PREX1: variants seen among roughly 807,000 people sequenced by gnomAD.
PREX1 encodes the protein phosphatidylinositol 3,4,5-trisphosphate-dependent Rac exchanger 1 protein.
PREX1 carries 41 observed loss-of-function variants against 198.3 expected under a neutral mutation model. The ratio of observed to expected loss-of-function variants is 0.21; its 90% CI spans 0.16 to 0.27. PREX1 has a LOEUF of 0.27. Among genes scored for constraint, PREX1 ranks in the 10% least tolerant of loss-of-function variants. The probability of loss-of-function intolerance (pLI) is 1.00; values close to 1 mark genes in which losing one functional copy is unlikely to be tolerated. For missense variants in PREX1, 1,620 were observed against 2,200.7 expected (o/e 0.74, Z 5.28); for synonymous variants, 843 against 887.2 (o/e 0.95, Z 0.89).
chr20:48,696,732 G>A (rs192302773), intron 7 of PREX1, among the ~76,000 whole-genome samples: 5 of 152,184 alleles, frequency 3.3e-5, no homozygotes, highest in Non-Finnish European at 4.4e-5. Context: ...ATGACAGGAT[G>A]GAAAGGACTT....
chr20:48,677,008 G>T (rs539198341), intron 13 of PREX1, among the ~76,000 whole-genome samples: 1 of 152,150 alleles, frequency 6.6e-6, no homozygotes, highest in Non-Finnish European at 1.5e-5. Context: ...CCTTGCAGCC[G>T]AACTGCAACA....
chr20:48,825,561 C>T (rs1005341059), intron 1 of PREX1, among the ~76,000 whole-genome samples: 1 of 152,068 alleles, frequency 6.6e-6, no homozygotes, highest in African/African-American at 2.4e-5. Flanking sequence ...ATTCCAGCTT[C>T]CTCCTACTCT....
intron 25 of PREX1, 67 bp from the exon 26 acceptor site, chr20:48,646,124 C>T (rs2089449409): frequency 6.6e-7 from 1 of 1,519,426 alleles, no homozygotes; most frequent in African/African-American, 1.4e-5. Context: ...CCCTGAAAAT[C>T]CCACCAGCAG....
At chr20:48,708,007 A>T (rs892165464) in intron 6 of PREX1, among the ~76,000 whole-genome samples, 3 of 152,180 alleles carry the variant, frequency 2.0e-5, no homozygotes, top group Non-Finnish European at 4.4e-5. Context: ...TGGGGACTGA[A>T]GGAAACTAGA....
intron 1 of PREX1, among the ~76,000 whole-genome samples, chr20:48,773,663 A>G (rs1001127762): frequency 2.0e-5 from 3 of 152,200 alleles, no homozygotes; most frequent in African/African-American, 7.2e-5. Flanking sequence ...AACAGCAAGG[A>G]AAGCTGAGAG....
chr20:48,829,259 C>T (rs190042416), upstream of PREX1, among the ~76,000 whole-genome samples: 98 of 152,350 alleles, frequency 6.4e-4, 1 homozygote, highest in Middle Eastern at 6.8e-3. Flanking sequence ...CCATACAATC[C>T]CTAATCACCC....
intron 10 of PREX1, among the ~76,000 whole-genome samples, chr20:48,682,617 G>A (rs2123023956): frequency 6.6e-6 from 1 of 152,336 alleles, no homozygotes; most frequent in East Asian, 1.9e-4. Context: ...AGGTCTCGGG[G>A]AGACAGAAGT....
At chr20:48,785,429 G>A (rs1601134764) in intron 1 of PREX1, among the ~76,000 whole-genome samples, 1 of 152,318 alleles carries the variant, frequency 6.6e-6, no homozygotes. Context: ...GAGCGCCACT[G>A]GTACCTCCAC....
the PREX1 span, among the ~76,000 whole-genome samples, chr20:48,848,768 G>T: frequency 3.7e-4 from 56 of 152,158 alleles, 1 homozygote; most frequent in East Asian, 0.01. Context: ...TTGGAGTCTC[G>T]CTCTGTCGCT....
chr20:48,636,092 C>T (rs919716595), intron 32 of PREX1, among the ~76,000 whole-genome samples: 1 of 152,168 alleles, frequency 6.6e-6, no homozygotes, highest in African/African-American at 2.4e-5. Context: ...TGGCTTCCAC[C>T]ACCCCACTCC....
At chr20:48,864,075 A>G in the PREX1 span, among the ~76,000 whole-genome samples, 1 of 152,200 alleles carries the variant, frequency 6.6e-6, no homozygotes, top group Non-Finnish European at 1.5e-5. Flanking sequence ...AAAGGCTTAT[A>G]CATTTTTTAT....
At chr20:48,636,749 C>G (rs940795853) in intron 31 of PREX1, 66 bp from the exon 32 acceptor site, 12 of 1,433,098 alleles carry the variant, frequency 8.4e-6, no homozygotes, top group East Asian at 2.5e-5. Flanking sequence ...GCCCACCCCC[C>G]AAAACCCTGG....
chr20:48,632,647 A>T lies in PREX1; in HGVS notation c.4268-8T>A. On this transcript the variant is annotated splice_polypyrimidine_tract_variant and splice_region_variant and intron_variant, in intron 33 of 39. Coordinates refer to ENST00000371941, the MANE Select transcript of PREX1 (RefSeq NM_020820.4). The stretch of plus-strand genomic sequence containing the variant: ...GGTAGAAGACGTTGGTGTCTGCGGA[A>T]GGATATGGGGCAGGATGACTCACCA... 6.2e-7 allele frequency: 1 copy of T among 1,613,382 alleles called. No homozygotes were observed. Among genetic ancestry groups the T allele is most frequent in the South Asian group, 1.1e-5 (1 of 91,010 alleles).
chr20:48,780,082 T>C (rs1196882109), intron 1 of PREX1, among the ~76,000 whole-genome samples: 3 of 152,222 alleles, frequency 2.0e-5, no homozygotes, highest in South Asian at 2.1e-4. Context: ...TTTTCAAATA[T>C]ATGTGCAGAT....
In PREX1 at chr20:48,814,175, C is replaced by A. The variant is rs150689857; in HGVS notation, c.219+13467G>T. 5.9e-5 allele frequency among the ~76,000 whole-genome samples: 9 copies of A among 152,366 alleles called. No individual in the cohort carries two copies. In the East Asian group the frequency reaches 1.7e-3, roughly 29 times the overall value. On this transcript the variant is annotated intron_variant, in intron 1 of 39. Transcript: ENST00000371941. ...GGAAGGCCTCTGCCACAGAGTGGGC[C>A]CCATTCAGCCCCTTTTGCTCATGCA...
intron 7 of PREX1, 131 bp from the exon 8 acceptor site, chr20:48,692,921 G>GGCTATTAGCCTGTTTTCCAGATGAGAA: frequency 1.4e-6 from 1 of 739,544 alleles, no homozygotes; most frequent in Non-Finnish European, 2.4e-6. Flanking sequence ...TAGGGGTCAG[G>GGCTATTAGCCTGTTTTCCAGATGAGAA]AGCAGGAGTG....
chr20:48,690,817 AT>A (rs1357218085), intron 9 of PREX1, 129 bp downstream of exon 9: 1 of 1,334,294 alleles, frequency 7.5e-7, no homozygotes, highest in Non-Finnish European at 1.0e-6. Flanking sequence ...GTCCCTTCAA[AT>A]ACCTGCTTCT....
In PREX1 at chr20:48,666,409, G is replaced by C; in HGVS notation, c.1666-54C>G. 6.9e-7 allele frequency: 1 copy of C among 1,454,846 alleles called. No homozygotes were observed. Among genetic ancestry groups the C allele is most frequent in the Non-Finnish European group, 9.4e-7 (1 of 1,066,842 alleles). The allele number at this position is 1,454,846 out of a possible 1,614,324, so 90.1% of individuals were successfully genotyped here. A position where few individuals can be genotyped will look rare whatever the true frequency, so the allele number is the denominator to read the frequency against. On this transcript the variant is annotated intron_variant, in intron 14 of 39. Transcript: ENST00000371941. The surrounding 1 kb of genome is among the most constrained non-coding windows in gnomAD (Gnocchi z 4.3). ...TAGGTGGCAGCATCCGAGAGGCCAT[G>C]CATGGCCAACGAGAAGCCCACAACC...
chr20:48,818,968 G>A (rs983856198), intron 1 of PREX1, among the ~76,000 whole-genome samples: 1 of 152,294 alleles, frequency 6.6e-6, no homozygotes, highest in East Asian at 1.9e-4. Context: ...TGGTAACCCA[G>A]TACCCACAGG....
Sources: allele counts gnomAD v4.1 joint callset (sites outside exome capture counted in the v4.1 genomes callset), GRCh38; gene constraint gnomAD v4.1.1; non-coding constraint Gnocchi (gnomAD v3.1); transcripts MANE v1.5; gene names NCBI Gene and HGNC (gene_info 2026-07-23, HGNC 2026-07-21).